The following DPP6 variants were observed in gnomAD, a reference collection of about 807,000 sequenced individuals.
The protein encoded by DPP6 is dipeptidyl peptidase like 6, also known as A-type potassium channel modulatory protein DPP6.
A neutral mutation model predicts 122.6 loss-of-function variants in DPP6; 69 were observed. The ratio of observed to expected loss-of-function variants is 0.56; its 90% confidence interval spans 0.46 to 0.69. The LOEUF (loss-of-function observed/expected upper bound fraction) is 0.69. Ranked by LOEUF, DPP6 falls within the 30% of genes least tolerant of loss-of-function variation. The pLI, the probability that DPP6 is intolerant of heterozygous loss-of-function variation, is 0.00. For missense variants in DPP6, 928 were observed against 1,116.9 expected (o/e 0.83, Z 2.41); for synonymous variants, 418 against 433.1 (o/e 0.97, Z 0.43).
intron 8 of DPP6, among the ~76,000 whole-genome samples, chr7:154,756,833 C>T (rs1368818569): frequency 5.3e-5 from 8 of 152,152 alleles, no homozygotes; most frequent in East Asian, 1.9e-4. Flanking sequence ...GCATTAGGCC[C>T]GCCACAATCA....
intron 6 of DPP6, among the ~76,000 whole-genome samples, chr7:154,660,183 C>G (rs1837531166): frequency 1.3e-5 from 2 of 152,146 alleles, no homozygotes; most frequent in South Asian, 4.1e-4. Context: ...CATATTGGCC[C>G]TAGTGTTCAT....
the DPP6 span, among the ~76,000 whole-genome samples, chr7:153,808,196 TGTGCCTGAGTGTGTGTGCCTGAGTGTGC>T: frequency 7.6e-6 from 1 of 130,814 alleles, no homozygotes; most frequent in East Asian, 2.2e-4. Flanking sequence ...TGTGTGTGTG[TGTGCCTGAGTGTGTGTGCCTGAGTGTGC>T]GTGCCTGAGT....
At chr7:153,918,217 C>A (rs1207099296) in intron 1 of DPP6, among the ~76,000 whole-genome samples, 2 of 152,132 alleles carry the variant, frequency 1.3e-5, no homozygotes, top group Non-Finnish European at 2.9e-5. Flanking sequence ...CCCTAGGACA[C>A]TTTGACTGCT....
At chr7:154,050,503 G>A (rs934617389), upstream of DPP6, among the ~76,000 whole-genome samples, 1 of 152,112 alleles carries the variant, frequency 6.6e-6, no homozygotes, top group African/African-American at 2.4e-5. Context: ...TCAGGATCGC[G>A]ATGCTGCGGT....
chr7:154,305,546 G>A, intron 1 of DPP6: 1 of 1,602,606 alleles, frequency 6.2e-7, no homozygotes, highest in Non-Finnish European at 8.5e-7. Flanking sequence ...GCAGCAGCAG[G>A]AACAGGTAAT....
chr7:154,802,836 CAAAA>C (rs537624311), intron 13 of DPP6, among the ~76,000 whole-genome samples: 3 of 110,894 alleles, frequency 2.7e-5, no homozygotes, highest in South Asian at 2.9e-4. Context: ...GACACTGTCT[CAAAA>C]AAAAAAAAAA....
chr7:154,598,222 T>C (rs10249957), intron 5 of DPP6, among the ~76,000 whole-genome samples: 88,800 of 152,118 alleles, frequency 0.58, 26,301 homozygotes, highest in East Asian at 0.69. Context: ...CTGCTTGCGT[T>C]TCACATGTAC....
intron 19 of DPP6, among the ~76,000 whole-genome samples, chr7:154,874,646 C>T (rs1319173283): frequency 1.3e-5 from 2 of 152,240 alleles, no homozygotes; most frequent in East Asian, 3.9e-4. Flanking sequence ...GCCCCCACCC[C>T]ACTCCTCAGC....
intron 2 of DPP6, 111 bp downstream of exon 2, chr7:154,446,439 G>T (rs1819880342): frequency 3.2e-6 from 2 of 629,916 alleles, no homozygotes; most frequent in Non-Finnish European, 5.2e-6. Context: ...TTTTTCCCAA[G>T]TTCTAATTCT....
intron 1 of DPP6, among the ~76,000 whole-genome samples, chr7:154,121,804 G>T (rs187455939): frequency 1.7e-3 from 258 of 152,266 alleles, no homozygotes; most frequent in African/African-American, 5.7e-3. Flanking sequence ...TCTAATGTAG[G>T]TGTTCCCACC....
intron 20 of DPP6, among the ~76,000 whole-genome samples, chr7:154,878,582 A>G (rs901135210): frequency 2.0e-5 from 3 of 152,202 alleles, no homozygotes; most frequent in African/African-American, 7.2e-5. Context: ...GGAGGCTGAC[A>G]CATTAGCCTG....
chr7:153,755,960 A>G, the DPP6 span, among the ~76,000 whole-genome samples: 2 of 152,188 alleles, frequency 1.3e-5, no homozygotes, highest in African/African-American at 4.8e-5. Flanking sequence ...AGTTGCTGCC[A>G]TAACAGCAGG....
chr7:154,399,010 G>A (rs1239615798), intron 1 of DPP6, among the ~76,000 whole-genome samples: 1 of 152,164 alleles, frequency 6.6e-6, no homozygotes, highest in East Asian at 1.9e-4. Context: ...GTTGGAGCAG[G>A]GCTCTTAATT....
rs369305616 is a variant in DPP6 at position 154,867,957 on chromosome 7, C to A, written c.1715-38C>A. 4.1e-4 allele frequency: 631 copies of A among 1,554,826 alleles called. 2 individuals are homozygous for A. The highest frequency in any genetic ancestry group is 3.0e-3 in the Middle Eastern group (18 of 5,944). Reference sequence around the variant, plus strand: ...CCCGCAGAGGTCCTCCATGAGTGACCACTGCATCTCAGTGTGTCCCTGTTT... The same window carrying A: ...CCCGCAGAGGTCCTCCATGAGTGACAACTGCATCTCAGTGTGTCCCTGTTT... On this transcript the variant is annotated intron_variant, in intron 17 of 25. Transcript: ENST00000377770.
chr7:154,167,254 G>A (rs1157193294), intron 1 of DPP6, among the ~76,000 whole-genome samples: 1 of 152,158 alleles, frequency 6.6e-6, no homozygotes, highest in Non-Finnish European at 1.5e-5. Context: ...AGGAGAGGGT[G>A]GGTAGGCAAA....
chr7:154,364,499 G>C (rs1432227590), intron 1 of DPP6, among the ~76,000 whole-genome samples: 2 of 152,174 alleles, frequency 1.3e-5, no homozygotes, highest in Non-Finnish European at 2.9e-5. Context: ...CTTGACGCCT[G>C]CCAGGCTGTG....
intron 16 of DPP6, among the ~76,000 whole-genome samples, 166 bp from the exon 17 acceptor site, chr7:154,853,614 C>A (rs921684724): frequency 6.6e-6 from 1 of 152,238 alleles, no homozygotes; most frequent in Admixed American, 6.5e-5. Flanking sequence ...GCCCCCCTGC[C>A]GGCCTGGCCT....
chr7:154,707,470 A>G (rs140419144), intron 7 of DPP6, among the ~76,000 whole-genome samples: 359 of 152,356 alleles, frequency 2.4e-3, no homozygotes, highest in African/African-American at 8.2e-3. Flanking sequence ...AGCCTAAAAT[A>G]TGAAATACTC....
chr7:154,433,291 A>G (rs1179975797), intron 1 of DPP6, among the ~76,000 whole-genome samples: 1 of 151,132 alleles, frequency 6.6e-6, no homozygotes, highest in Non-Finnish European at 1.5e-5. Flanking sequence ...GACAGGGACT[A>G]CAGGTGCATG....
Sources: gnomAD v4.1 joint callset for allele counts (sites outside exome capture counted in the v4.1 genomes callset) on GRCh38, gnomAD v4.1.1 for gene constraint, MANE v1.5 for transcripts, NCBI Gene and HGNC (gene_info 2026-07-23, HGNC 2026-07-21) for gene names.